KLF8: variants seen among roughly 807,000 people sequenced by gnomAD.
KLF8 encodes KLF transcription factor 8, also known as Krueppel-like factor 8.
In KLF8, 10 loss-of-function variants were observed where a neutral mutation model predicts 18.2. The observed-to-expected ratio is 0.55, with a 90% CI of 0.34 to 0.93. The LOEUF is 0.93. Ranked by LOEUF, KLF8 falls within the 40% of genes least tolerant of loss-of-function variation. The pLI is 0.02. For synonymous variants in KLF8, 109 were observed against 97.3 expected (o/e 1.12, Z -0.71); for missense variants, 264 against 277.9 (o/e 0.95, Z 0.36).
chrX:56,093,180 C>T, the KLF8 span, among the ~76,000 whole-genome samples: 6 of 110,829 alleles, frequency 5.4e-5, no homozygotes, highest in African/African-American at 2.0e-4. Context: ...AAACAACAAA[C>T]CAGAAATCCA....
At chrX:56,044,095 C>T in the KLF8 span, among the ~76,000 whole-genome samples, 325 of 111,947 alleles carry the variant, frequency 2.9e-3, no homozygotes, top group African/African-American at 0.01. Context: ...CTGCTTTAGA[C>T]CCCAGTTGCC....
chrX:56,253,112 T>A (rs1471722770), intron 2 of KLF8, among the ~76,000 whole-genome samples: 1 of 112,564 alleles, frequency 8.9e-6, no homozygotes, highest in Non-Finnish European at 1.9e-5. Context: ...TGGTGATTAA[T>A]CTGTTGTCAG....
the KLF8 span, among the ~76,000 whole-genome samples, chrX:56,093,241 G>A: frequency 9.0e-6 from 1 of 110,899 alleles, no homozygotes; most frequent in Non-Finnish European, 1.9e-5. Context: ...TCTATACCTA[G>A]GCATATTGTA....
At chrX:56,079,795 A>G in the KLF8 span, among the ~76,000 whole-genome samples, 4 of 108,806 alleles carry the variant, frequency 3.7e-5, no homozygotes, top group African/African-American at 1.3e-4. Flanking sequence ...GTCTCTTTGT[A>G]GGTCACTCAG....
chrX:56,137,920 G>C, the KLF8 span, among the ~76,000 whole-genome samples: 1 of 108,231 alleles, frequency 9.2e-6, no homozygotes, highest in Non-Finnish European at 1.9e-5. Context: ...CTAAAATTTA[G>C]CTCTTTGAAG....
At chrX:55,945,097 T>C in the KLF8 span, among the ~76,000 whole-genome samples, 3 of 111,530 alleles carry the variant, frequency 2.7e-5, no homozygotes, top group African/African-American at 9.8e-5. Context: ...TACCCAGTAG[T>C]CATTCAGGAG....
chrX:55,913,590 T>A, the KLF8 span, among the ~76,000 whole-genome samples: 2 of 111,462 alleles, frequency 1.8e-5, no homozygotes, highest in Non-Finnish European at 3.8e-5. Flanking sequence ...GAACAGATTC[T>A]TCCTTCACAG....
rs1308439509 is a variant in KLF8 at position 56,288,262 on chromosome X, G to T, written c.*3768G>T. On this transcript the variant is annotated 3_prime_UTR_variant, in exon 6 of 6. Coordinates refer to ENST00000468660, the MANE Select transcript of KLF8 (RefSeq NM_007250.5). The stretch of plus-strand genomic sequence containing the variant: ...TCTCAAAAAAAAAAAAATTGTTTCA[G>T]CATCTTGTTCAGGATTCCACATTAC... Among the ~76,000 whole-genome samples the T allele has an allele frequency of 9.1e-6, 1 of 110,417 alleles. No individual in the cohort carries two copies. The highest frequency in any genetic ancestry group is 1.9e-5 in the Non-Finnish European group (1 of 52,828).
chrX:56,197,616 A>G, the KLF8 span, among the ~76,000 whole-genome samples: 4 of 111,874 alleles, frequency 3.6e-5, no homozygotes, highest in Admixed American at 9.5e-5. Context: ...AACCAAAAAG[A>G]GTCTAGGACC....
chrX:56,158,309 G>C, the KLF8 span, among the ~76,000 whole-genome samples: 774 of 111,879 alleles, frequency 6.9e-3, 4 homozygotes, highest in Non-Finnish European at 0.01. Context: ...AGTATAGTTT[G>C]AAGTCAGGTA....
chrX:56,139,149 C>T, the KLF8 span, among the ~76,000 whole-genome samples: 2 of 111,603 alleles, frequency 1.8e-5, no homozygotes, highest in Non-Finnish European at 3.8e-5. Context: ...TGAAAGAAAT[C>T]AGCAACAAGA....
At chrX:56,187,898 C>T in the KLF8 span, among the ~76,000 whole-genome samples, 5 of 111,871 alleles carry the variant, frequency 4.5e-5, no homozygotes, top group African/African-American at 1.6e-4. Context: ...CTATCTATGA[C>T]AAATCCACAG....
the KLF8 span, among the ~76,000 whole-genome samples, chrX:56,079,145 A>G: frequency 3.4e-4 from 38 of 110,401 alleles, no homozygotes; most frequent in Admixed American, 1.2e-3. Flanking sequence ...TATTTCCTTC[A>G]GTTCTGCTCT....
At chrX:56,114,493 A>T in the KLF8 span, among the ~76,000 whole-genome samples, 2 of 111,887 alleles carry the variant, frequency 1.8e-5, no homozygotes, top group African/African-American at 3.3e-5. Context: ...CAATTATATG[A>T]CCTCTTGCAA....
chrX:56,078,899 A>T, the KLF8 span, among the ~76,000 whole-genome samples: 3 of 110,798 alleles, frequency 2.7e-5, no homozygotes, highest in East Asian at 8.5e-4. Flanking sequence ...GAATTTATCC[A>T]TTTCTTCTAG....
chrX:55,985,889 G>A, the KLF8 span, among the ~76,000 whole-genome samples: 1 of 110,533 alleles, frequency 9.0e-6, no homozygotes, highest in Non-Finnish European at 1.9e-5. Context: ...TTCTTTTTGT[G>A]GGAATTGTGA....
At chrX:56,219,519 GA>G in the KLF8 span, among the ~76,000 whole-genome samples, 4 of 111,873 alleles carry the variant, frequency 3.6e-5, no homozygotes, top group African/African-American at 1.3e-4. Context: ...TCCATAAATG[GA>G]AAAAATGAAA....
chrX:56,201,762 A>ATCC, the KLF8 span, among the ~76,000 whole-genome samples: 1 of 111,518 alleles, frequency 9.0e-6, no homozygotes, highest in Non-Finnish European at 1.9e-5. Context: ...CATGTCAATC[A>ATCC]TACCTCAATA....
chrX:56,081,802 A>G, the KLF8 span, among the ~76,000 whole-genome samples: 1 of 112,075 alleles, frequency 8.9e-6, no homozygotes, highest in African/African-American at 3.2e-5. Context: ...TTCCTCAGAT[A>G]AGTCTCACTT....
Sources: gnomAD v4.1 joint callset for allele counts (sites outside exome capture counted in the v4.1 genomes callset) on GRCh38, gnomAD v4.1.1 for gene constraint, MANE v1.5 for transcripts, NCBI Gene and HGNC (gene_info 2026-07-23, HGNC 2026-07-21) for gene names.